The following TEX36 variants were observed in gnomAD, a reference collection of about 807,000 sequenced individuals.
The protein encoded by TEX36 is testis-expressed protein 36.
TEX36 carries 12 observed loss-of-function variants against 13.6 expected under a neutral mutation model. The observed-to-expected ratio is 0.88, with a 90% CI of 0.56 to 1.43. The LOEUF (loss-of-function observed/expected upper bound fraction) is 1.43, where lower values mean the gene tolerates loss of function less well. Among genes scored for constraint, TEX36 ranks in the 40% most tolerant of loss-of-function variants. TEX36 has a pLI of 0.00. For missense variants in TEX36, 224 were observed against 228.3 expected, an observed-to-expected ratio of 0.98 and a Z score of 0.12; for synonymous variants, 93 against 83.0, an observed-to-expected ratio of 1.12 and a Z score of -0.65.
At chr10:125,604,515 C>T (rs1257418192) in intron 3 of TEX36, among the ~76,000 whole-genome samples, 1 of 151,868 alleles carries the variant, frequency 6.6e-6, no homozygotes, top group Non-Finnish European at 1.5e-5. Flanking sequence ...TGTCTCTACA[C>T]ATAAAGAAAA....
rs1469446665 is a variant in TEX36 at position 125,655,870 on chromosome 10, AC to A, written c.*29del. 4.8e-6 allele frequency: 7 copies of A among 1,458,644 alleles called. No homozygotes were observed. The highest frequency in any genetic ancestry group is 6.4e-6 in the Non-Finnish European group (7 of 1,101,034). 90.4% of individuals were successfully genotyped at this position (1,458,644 alleles called of 1,614,324 possible). On this transcript the variant is annotated 3_prime_UTR_variant, in exon 4 of 4. Coordinates refer to ENST00000368821, the MANE Select transcript of TEX36 (RefSeq NM_001128202.3). ...GGATGTCTGATGAAATACCAGTATT[AC>A]AAAATTCATCAAAAATCTTCTGGGA...
At position 125,671,356 on chromosome 10, in the gene TEX36, A is replaced by G. The variant is rs138826003; in HGVS notation, c.52-9379T>C. Among the ~76,000 whole-genome samples the G allele has an allele frequency of 2.8e-4, 42 of 152,224 alleles. No individual in the cohort carries two copies. The Middle Eastern group carries it at 0.017, about 62-fold the overall frequency. The stretch of plus-strand genomic sequence containing the variant: ...TTAACATGAAGGGATGTTGAATTTT[A>G]TTAAAGGTCTTTTCTATGTCTATTG... On this transcript the variant is annotated intron_variant, in intron 1 of 3. Coordinates refer to ENST00000368821, the MANE Select transcript of TEX36 (RefSeq NM_001128202.3).
At chr10:125,626,178 C>T (rs1271196288) in intron 3 of TEX36, among the ~76,000 whole-genome samples, 1 of 152,112 alleles carries the variant, frequency 6.6e-6, no homozygotes, top group Non-Finnish European at 1.5e-5. Context: ...GTCCTGCTCC[C>T]TCCTCCTCCC....
chr10:125,621,729 T>A (rs904276514), intron 3 of TEX36: 9 of 449,772 alleles, frequency 2.0e-5, no homozygotes, highest in Non-Finnish European at 4.0e-5. Context: ...GCCTTCCATC[T>A]GTGGCCAAAG....
intron 3 of TEX36, among the ~76,000 whole-genome samples, chr10:125,577,502 G>A (rs1363424383): frequency 6.6e-6 from 1 of 152,030 alleles, no homozygotes; most frequent in African/African-American, 2.4e-5. Flanking sequence ...GTGTCTCAAA[G>A]AAAAGAACAC....
At chr10:125,612,251 T>G (rs1846299226) in intron 3 of TEX36, among the ~76,000 whole-genome samples, 1 of 138,756 alleles carries the variant, frequency 7.2e-6, no homozygotes, top group African/African-American at 2.6e-5. Context: ...ACCCAGCTAA[T>G]TTTTGTATTT....
intron 3 of TEX36, among the ~76,000 whole-genome samples, chr10:125,613,280 TATTTTTA>T (rs1846314184): frequency 6.9e-6 from 1 of 145,158 alleles, no homozygotes; most frequent in Admixed American, 6.9e-5. Context: ...TTTATTTATT[TATTTTTA>T]TTATTATTAT....
chr10:125,676,526 T>C (rs2133612649), intron 1 of TEX36, among the ~76,000 whole-genome samples: 2 of 152,312 alleles, frequency 1.3e-5, no homozygotes, highest in South Asian at 4.1e-4. Flanking sequence ...GAGTTTCTTG[T>C]AAGCAGCATA....
chr10:125,586,633 TCC>T (rs1426137056), intron 3 of TEX36, among the ~76,000 whole-genome samples: 8,197 of 77,268 alleles, frequency 0.11, 809 homozygotes, highest in African/African-American at 0.31. Context: ...CTACTAAAAA[TCC>T]AAAAAAAAAA....
intron 3 of TEX36, chr10:125,576,995 A>T: frequency 1.5e-6 from 2 of 1,305,294 alleles, no homozygotes; most frequent in Non-Finnish European, 2.1e-6. Flanking sequence ...AACACCCCAG[A>T]GAAGGATTTA....
At chr10:125,635,731 C>T (rs1448014544) in intron 3 of TEX36, among the ~76,000 whole-genome samples, 1 of 152,154 alleles carries the variant, frequency 6.6e-6, no homozygotes, top group Non-Finnish European at 1.5e-5. Context: ...CTGTTCTCCA[C>T]TCACTCCAGC....
intron 3 of TEX36, among the ~76,000 whole-genome samples, chr10:125,582,287 C>A (rs942108811): frequency 6.6e-6 from 1 of 152,196 alleles, no homozygotes; most frequent in Non-Finnish European, 1.5e-5. Context: ...CACTTTCACT[C>A]CCATAATTTA....
Position 125,603,979 on chromosome 10 carries a change from C to T in TEX36, c.265-27105G>A, listed in dbSNP as rs116582879. Among the ~76,000 whole-genome samples the T allele has an allele frequency of 2.4e-3, 367 of 152,270 alleles. 2 individuals carry two copies. Among genetic ancestry groups the T allele is most frequent in the African/African-American group, 8.4e-3 (347 of 41,542 alleles). On this transcript the variant is annotated intron_variant, in intron 3 of 3. Transcript: ENST00000532135. The stretch of plus-strand genomic sequence containing the variant: ...GCCCTAGGGTATAAGGGGCCCATTC[C>T]GGTTCAGTCCAGCCTCCCCCGGGAC...
chr10:125,600,075 T>G (rs1443525844), intron 3 of TEX36, among the ~76,000 whole-genome samples: 2 of 152,192 alleles, frequency 1.3e-5, no homozygotes, highest in African/African-American at 4.8e-5. Context: ...GGATCCAATT[T>G]ATTTAGGCAG....
chr10:125,626,257 G>A (rs1003736122), intron 3 of TEX36, among the ~76,000 whole-genome samples: 19 of 152,104 alleles, frequency 1.2e-4, no homozygotes, highest in Non-Finnish European at 1.2e-4. Flanking sequence ...CCTCAGACTC[G>A]GCTTGCTGGG....
chr10:125,587,002 G>T (rs943897209), intron 3 of TEX36, among the ~76,000 whole-genome samples: 1 of 152,100 alleles, frequency 6.6e-6, no homozygotes. Flanking sequence ...AAAGTGTGTA[G>T]TGTCTCCCTC....
At position 125,640,211 on chromosome 10, in the gene TEX36, G is replaced by A. The variant is rs796322644; in HGVS notation, c.265-18566C>T. ...TCTTGGACTGAACATTCTGATGCTA[G>A]CTCCTATTTGGCAGGAGGAGAGGAA... On this transcript the variant is annotated intron_variant, in intron 3 of 3. Transcript: ENST00000526819. The A allele has an allele frequency of 6.1e-6, 6 of 985,442 alleles. No individual in the cohort carries two copies. In the African/African-American group the frequency reaches 1.0e-4, roughly 17 times the overall value. The allele number at this position is 985,442 out of a possible 1,614,324, so 61.0% of individuals were successfully genotyped here.
At chr10:125,640,152 C>G in intron 3 of TEX36, 3 of 985,392 alleles carry the variant, frequency 3.0e-6, no homozygotes, top group Non-Finnish European at 3.6e-6. Flanking sequence ...ATGTTACAGC[C>G]AGATCAGTGC....
chr10:125,593,756 G>A (rs373723696), intron 3 of TEX36, among the ~76,000 whole-genome samples: 2 of 152,280 alleles, frequency 1.3e-5, no homozygotes, highest in South Asian at 4.1e-4. Context: ...TGGGGATGAG[G>A]GGAAGAGAGA....
Sources: allele counts gnomAD v4.1 joint callset (sites outside exome capture counted in the v4.1 genomes callset), GRCh38; gene constraint gnomAD v4.1.1; transcripts MANE v1.5; gene names NCBI Gene and HGNC (gene_info 2026-07-23, HGNC 2026-07-21).